FRY: variants seen among roughly 807,000 people sequenced by gnomAD.
FRY encodes the protein FRY microtubule binding protein, also known as protein furry homolog.
Under a neutral mutation model 348.4 loss-of-function variants are expected in FRY, and 128 were observed. That is an observed-to-expected ratio of 0.37 (90% CI 0.32 to 0.43). The LOEUF (loss-of-function observed/expected upper bound fraction) is 0.43, where lower values mean the gene tolerates loss of function less well. Ranked by LOEUF, FRY falls within the 20% of genes least tolerant of loss-of-function variation. FRY has a pLI of 1.00. For synonymous variants in FRY, 1,370 were observed against 1,374.7 expected, an observed-to-expected ratio of 1.00 and a Z score of 0.08; for missense variants, 2,736 against 3,695.2, an observed-to-expected ratio of 0.74 and a Z score of 6.73.
At position 32,056,274 on chromosome 13, in the gene FRY, G is replaced by A. The variant is rs186456856; in HGVS notation, c.71-22560G>A. On this transcript the variant is annotated intron_variant, in intron 1 of 60. Coordinates refer to ENST00000542859, the MANE Select transcript of FRY (RefSeq NM_023037.3). ...AGGTTTAAAGTGAGCCTCTGTATAG[G>A]TTCACACAGTCTGTGCCCAATAAGT... Among the ~76,000 whole-genome samples the A allele has an allele frequency of 1.3e-3, 201 of 151,972 alleles. 1 individual carries two copies. Among genetic ancestry groups the A allele is most frequent in the South Asian group, 9.2e-3 (44 of 4,800 alleles).
intron 4 of FRY, among the ~76,000 whole-genome samples, chr13:32,120,118 T>C (rs1216241514): frequency 6.6e-6 from 1 of 152,166 alleles, no homozygotes; most frequent in Non-Finnish European, 1.5e-5. Flanking sequence ...TCCCTCCTCA[T>C]TGGTTTTATT....
intron 58 of FRY, among the ~76,000 whole-genome samples, chr13:32,279,132 C>T (rs888801009): frequency 2.0e-4 from 30 of 152,116 alleles, no homozygotes; most frequent in African/African-American, 6.5e-4. Flanking sequence ...ATCTTGTCAG[C>T]GAGACAGACA....
chr13:32,164,310 T>C lies in FRY; in HGVS notation c.1892+3059T>C, dbSNP rs891045390. ...CTGTTATTTCTGACACTTCACAGTC[T>C]CATCCGTGGTACACTTTTTATTTAA... On this transcript the variant is annotated intron_variant, in intron 17 of 60. Coordinates refer to ENST00000542859, the MANE Select transcript of FRY (RefSeq NM_023037.3). 3.9e-5 allele frequency among the ~76,000 whole-genome samples: 6 copies of C among 152,360 alleles called. 1 individual carries two copies. The South Asian group carries it at 1.0e-3, about 26-fold the overall frequency.
At position 32,225,930 on chromosome 13, in the gene FRY, C is replaced by T. The variant is rs758147541; in HGVS notation, c.5162C>T (p.Thr1721Ile). Residue 1721 changes from threonine (T) to isoleucine (I), a missense_variant, in exon 39 of 61, where the codon ACT becomes ATT. Coordinates refer to ENST00000542859, the MANE Select transcript of FRY (RefSeq NM_023037.3). The stretch of plus-strand genomic sequence containing the variant: ...ACCCGAGAGATGGGTGAAGCTAAGA[C>T]TCTAACCGTGCAGCCAGCCTACCAA... ...LQTREMGEAK[T>I]LTVQPAYQPE... 1.9e-6 allele frequency: 3 copies of T among 1,614,178 alleles called. No individual in the cohort carries two copies. The highest frequency in any genetic ancestry group is 2.5e-6 in the Non-Finnish European group (3 of 1,180,026).
At position 32,143,740 on chromosome 13, in the gene FRY, C is replaced by A. The variant is rs548543044; in HGVS notation, c.1180-3542C>A. On this transcript the variant is annotated intron_variant, in intron 11 of 60. Transcript: ENST00000542859. The stretch of plus-strand genomic sequence containing the variant: ...AAAGATGTTTCTACTAGAAGAGAAG[C>A]TCCTTAAAGGCAGGGGCTACATTTC... 5.2e-4 allele frequency among the ~76,000 whole-genome samples: 79 copies of A among 152,278 alleles called. 3 individuals carry two copies. The highest frequency in any genetic ancestry group is 4.8e-3 in the South Asian group (23 of 4,826).
intron 24 of FRY, among the ~76,000 whole-genome samples, chr13:32,183,324 T>C (rs964421048): frequency 6.6e-6 from 1 of 152,228 alleles, no homozygotes; most frequent in Non-Finnish European, 1.5e-5. Context: ...AATTGAATTT[T>C]GGGTTTTTGT....
In FRY at chr13:32,209,435, C is replaced by T. The variant is rs867639203; in HGVS notation, c.4276-150C>T. ...TTTGTGCATTATTAACTACTGTTTA[C>T]TGAAAGATGGCATCTTTCTGATAAA... On this transcript the variant is annotated intron_variant, in intron 32 of 60. Transcript: ENST00000542859. 1.0e-5 allele frequency: 8 copies of T among 789,492 alleles called. No individual in the cohort carries two copies. In the Middle Eastern group the frequency reaches 1.1e-3, roughly 110 times the overall value. 48.9% of individuals were successfully genotyped at this position (789,492 alleles called of 1,614,324 possible).
chr13:32,068,306 A>G (rs923758722), intron 1 of FRY, among the ~76,000 whole-genome samples: 1 of 152,178 alleles, frequency 6.6e-6, no homozygotes, highest in Non-Finnish European at 1.5e-5. Context: ...AGCAAAGGAC[A>G]CCTGAATGAG....
chr13:32,268,505 A>AAAAATATATATAT (rs1555273232), intron 55 of FRY, among the ~76,000 whole-genome samples: 1 of 28,316 alleles, frequency 3.5e-5, no homozygotes, highest in African/African-American at 9.3e-5. Flanking sequence ...AAAAAAAAAA[A>AAAAATATATATAT]ATATATATAT....
chr13:32,195,235 G>A (rs1883603501), intron 29 of FRY, among the ~76,000 whole-genome samples: 1 of 150,190 alleles, frequency 6.7e-6, no homozygotes, highest in Non-Finnish European at 1.5e-5. Context: ...CAGCAGTAGA[G>A]TTTTTATTAT....
At position 32,188,629 on chromosome 13, in the gene FRY, G is replaced by A. The variant is rs553173332; in HGVS notation, c.3591+973G>A. On this transcript the variant is annotated intron_variant, in intron 28 of 60. Coordinates refer to ENST00000542859, the MANE Select transcript of FRY (RefSeq NM_023037.3). The stretch of plus-strand genomic sequence containing the variant: ...GGAAAGTCAACAAGCGAAATTCCTT[G>A]AGAACCCCAAAAATCTATTGCCATG... Among the ~76,000 whole-genome samples the A allele has an allele frequency of 2.0e-5, 3 of 152,202 alleles. No individual in the cohort carries two copies. The South Asian group carries it at 6.2e-4, about 32-fold the overall frequency.
At chr13:32,218,112 C>T (rs1407293419) in intron 35 of FRY, among the ~76,000 whole-genome samples, 1 of 152,214 alleles carries the variant, frequency 6.6e-6, no homozygotes, top group Non-Finnish European at 1.5e-5. Context: ...TACTGTGTGT[C>T]AGGCTATGTA....
intron 1 of FRY, among the ~76,000 whole-genome samples, chr13:32,040,436 C>T (rs1432026295): frequency 1.3e-5 from 2 of 152,140 alleles, no homozygotes; most frequent in Non-Finnish European, 2.9e-5. Context: ...AATGAGGTTT[C>T]GGTAAACATC....
At chr13:32,218,524 C>CCA (rs1458094394) in intron 35 of FRY, among the ~76,000 whole-genome samples, 3 of 151,944 alleles carry the variant, frequency 2.0e-5, no homozygotes, top group African/African-American at 7.3e-5. Context: ...ACTAAAAATA[C>CCA]AAAAATTAGC....
intron 2 of FRY, among the ~76,000 whole-genome samples, chr13:32,083,212 A>G (rs1875614192): frequency 6.6e-6 from 1 of 152,068 alleles, no homozygotes; most frequent in African/African-American, 2.4e-5. Context: ...TAGGCTATAT[A>G]ACCTGTTTTA....
rs1422019244 is a variant in FRY, at chr13:32,279,679, A to G, written c.8469+1131A>G. ...CTACTGGAAAAGTGTTTTACATGGCACACCCTCTGGAGGATCTGAAAACAT... is the reference window on the plus strand; with the variant it reads ...CTACTGGAAAAGTGTTTTACATGGCGCACCCTCTGGAGGATCTGAAAACAT... On this transcript the variant is annotated intron_variant, in intron 58 of 60. Transcript: ENST00000542859. Among the ~76,000 whole-genome samples the G allele has an allele frequency of 3.3e-5, 5 of 152,230 alleles. No homozygotes were observed. The East Asian group carries it at 9.6e-4, about 29-fold the overall frequency.
chr13:32,259,557 C>T (rs899002035), intron 51 of FRY, among the ~76,000 whole-genome samples: 9 of 152,198 alleles, frequency 5.9e-5, no homozygotes, highest in Admixed American at 1.3e-4. Context: ...TCAAGTGCAG[C>T]GTGGGAGACC....
Position 32,054,118 on chromosome 13 carries a change from A to G in FRY, c.70+22253A>G, listed in dbSNP as rs552137689. Among the ~76,000 whole-genome samples, 32 of 152,366 alleles carry G rather than the reference A, an allele frequency of 2.1e-4. No individual in the cohort carries two copies. The Middle Eastern group carries it at 0.031, about 146-fold the overall frequency. Reference sequence around the variant, plus strand: ...AACTCCCATTGTCAGGTTAATTTTTATAAGTTTTTAGATGTTTTGAACGAA... The same window carrying G: ...AACTCCCATTGTCAGGTTAATTTTTGTAAGTTTTTAGATGTTTTGAACGAA... On this transcript the variant is annotated intron_variant, in intron 1 of 60. Transcript: ENST00000542859.
chr13:32,278,541 A>C lies in FRY; in HGVS notation c.8462A>C (p.Glu2821Ala). ...GVITCQPGDS[E>A]EKQLELCQRL... The stretch of plus-strand genomic sequence containing the variant: ...ATTACCTGTCAACCAGGGGACTCCG[A>C]AGAAAAGGTAATAAAAGCCTGTTAG... The change falls in exon 58 of 61, where the codon GAA becomes GCA. Residue 2821 changes from glutamate to alanine, a missense_variant. By Grantham distance (107) the Glu-to-Ala change is moderately radical. Around this residue, in one of 9 missense-constraint regions of FRY, gnomAD observed 789 missense variants for 996.2 expected, o/e 0.79. Transcript: ENST00000542859. 1 of 1,523,894 alleles carries C rather than the reference A, an allele frequency of 6.6e-7. No individual in the cohort carries two copies. The highest frequency in any genetic ancestry group is 9.1e-7 in the Non-Finnish European group (1 of 1,097,882). 94.4% of individuals were successfully genotyped at this position (1,523,894 alleles called of 1,614,324 possible).
Sources: gnomAD v4.1 joint callset for allele counts (sites outside exome capture counted in the v4.1 genomes callset) on GRCh38, gnomAD v4.1.1 for gene constraint, gnomAD v4.1.1 regional missense constraint, MANE v1.5 for transcripts, NCBI Gene and HGNC (gene_info 2026-07-23, HGNC 2026-07-21) for gene names.